The following TMEM163 variants were observed in gnomAD, a reference collection of about 807,000 sequenced individuals.
TMEM163 encodes transmembrane protein 163.
In TMEM163, 17 loss-of-function variants were observed where a neutral mutation model predicts 29.3. The ratio of observed to expected loss-of-function variants is 0.58; its 90% CI spans 0.40 to 0.87. TMEM163 has a LOEUF of 0.87. Ranked by LOEUF, TMEM163 falls within the 40% of genes least tolerant of loss-of-function variation. The pLI is 0.00. For missense variants in TMEM163, 303 were observed against 381.5 expected (o/e 0.79, Z 1.71); for synonymous variants, 157 against 160.6 (o/e 0.98, Z 0.17).
chr2:134,713,347 T>C (rs1684969850), intron 1 of TMEM163, 28 bp from the exon 2 acceptor site: 19 of 1,612,164 alleles, frequency 1.2e-5, no homozygotes, highest in Non-Finnish European at 1.5e-5. Context: ...AAAGGGAAGT[T>C]AGACATTTCC....
At chr2:134,666,659 A>G (rs1028043998) in intron 2 of TMEM163, among the ~76,000 whole-genome samples, 1 of 152,194 alleles carries the variant, frequency 6.6e-6, no homozygotes, top group East Asian at 1.9e-4. Flanking sequence ...CTTTCACTTA[A>G]GACTAAGAGC....
At chr2:134,648,399 G>A (rs932192590) in intron 2 of TMEM163, among the ~76,000 whole-genome samples, 12 of 150,914 alleles carry the variant, frequency 8.0e-5, no homozygotes, top group African/African-American at 2.9e-4. Flanking sequence ...CTGTGGGGCA[G>A]GCCATGGGTG....
intron 2 of TMEM163, among the ~76,000 whole-genome samples, chr2:134,662,564 A>T (rs1683779134): frequency 6.6e-6 from 1 of 152,194 alleles, no homozygotes; most frequent in Non-Finnish European, 1.5e-5. Context: ...TGTAAATATG[A>T]CTGAAAGGTT....
chr2:134,711,182 T>G (rs1381494961), intron 2 of TMEM163, among the ~76,000 whole-genome samples: 1 of 152,206 alleles, frequency 6.6e-6, no homozygotes, highest in Non-Finnish European at 1.5e-5. Context: ...TGGCGCCATA[T>G]AAATGATGCT....
rs532197029 is a variant in TMEM163, at chr2:134,550,187, A to C, written c.458+383T>G. On this transcript the variant is annotated intron_variant, in intron 4 of 7. Transcript: ENST00000281924. ...GCAGAAGGCAAATAGAATAATTTAG[A>C]ATGCCCTTAAGATGTCTTCTGTAAA... Among the ~76,000 whole-genome samples the C allele has an allele frequency of 3.1e-4, 47 of 152,320 alleles. 1 individual carries two copies. The South Asian group carries it at 8.9e-3, about 29-fold the overall frequency.
chr2:134,707,250 C>T (rs1440227609), intron 2 of TMEM163, among the ~76,000 whole-genome samples: 5 of 152,144 alleles, frequency 3.3e-5, no homozygotes, highest in South Asian at 2.1e-4. Context: ...CGAAGAGGCC[C>T]GGGGCTGTGA....
intron 2 of TMEM163, among the ~76,000 whole-genome samples, chr2:134,662,532 T>C (rs1683777902): frequency 6.6e-6 from 1 of 151,898 alleles, no homozygotes; most frequent in Non-Finnish European, 1.5e-5. Context: ...AAAATATGTA[T>C]ACAGGAAAAA....
At chr2:134,662,129 G>T (rs1683768808) in intron 2 of TMEM163, among the ~76,000 whole-genome samples, 1 of 151,782 alleles carries the variant, frequency 6.6e-6, no homozygotes, top group Non-Finnish European at 1.5e-5. Flanking sequence ...TAGAGTCGGG[G>T]TTTCACCGTG....
At chr2:134,499,145 T>A (rs937429539) in intron 5 of TMEM163, among the ~76,000 whole-genome samples, 1 of 152,118 alleles carries the variant, frequency 6.6e-6, no homozygotes, top group Non-Finnish European at 1.5e-5. Context: ...TAAGACATCA[T>A]AAAGATATAC....
chr2:134,539,736 T>C (rs1404262175), intron 4 of TMEM163, among the ~76,000 whole-genome samples: 1 of 152,150 alleles, frequency 6.6e-6, no homozygotes, highest in African/African-American at 2.4e-5. Flanking sequence ...GCAAACACAC[T>C]GGACAAAATC....
chr2:134,657,565 G>A (rs190166867), intron 2 of TMEM163, among the ~76,000 whole-genome samples: 64 of 152,352 alleles, frequency 4.2e-4, no homozygotes, highest in African/African-American at 1.5e-3. Context: ...CACTTTGGGA[G>A]GCAGAGGCAG....
intron 2 of TMEM163, among the ~76,000 whole-genome samples, chr2:134,612,923 T>A (rs1368544986): frequency 6.6e-6 from 1 of 152,198 alleles, no homozygotes; most frequent in Non-Finnish European, 1.5e-5. Context: ...ATAAAAACTG[T>A]CTCAGAGGAA....
At chr2:134,579,217 T>C (rs539006178) in intron 2 of TMEM163, among the ~76,000 whole-genome samples, 1 of 152,210 alleles carries the variant, frequency 6.6e-6, no homozygotes, top group Non-Finnish European at 1.5e-5. Flanking sequence ...CCATTAGAAC[T>C]TTTGATGCAA....
At chr2:134,708,949 C>T (rs115978426) in intron 2 of TMEM163, among the ~76,000 whole-genome samples, 152 of 152,252 alleles carry the variant, frequency 1.0e-3, no homozygotes, top group Middle Eastern at 3.4e-3. Flanking sequence ...ACTTTTTTAA[C>T]GGAGCTGTGT....
In TMEM163 at chr2:134,460,375, A is replaced by C. The variant is rs1574147602; in HGVS notation, c.668-2202T>G. ...TCAGCCCCTAAACTTCCTCCCCTCC[A>C]CCCACCACTCCCTCCTGCCTCCAGC... On this transcript the variant is annotated intron_variant, in intron 6 of 7. Coordinates refer to ENST00000281924, the MANE Select transcript of TMEM163 (RefSeq NM_030923.5). The surrounding 1 kb of genome is among the most constrained non-coding windows in gnomAD (Gnocchi z 4.3). Among the ~76,000 whole-genome samples, 2 of 145,902 alleles carry C rather than the reference A, an allele frequency of 1.4e-5. No homozygotes were observed. The highest frequency in any genetic ancestry group is 2.6e-5 in the African/African-American group (1 of 38,852).
At chr2:134,491,142 C>CA (rs2106482460) in intron 5 of TMEM163, among the ~76,000 whole-genome samples, 1 of 87,802 alleles carries the variant, frequency 1.1e-5, no homozygotes, top group South Asian at 7.0e-4. Flanking sequence ...CTCAGTGTCC[C>CA]AAGTCAAGTA....
intron 2 of TMEM163, among the ~76,000 whole-genome samples, chr2:134,672,835 A>G (rs1407913638): frequency 6.6e-6 from 1 of 151,914 alleles, no homozygotes; most frequent in Non-Finnish European, 1.5e-5. Flanking sequence ...AGTTCCATCA[A>G]TTCTACCTCC....
chr2:134,691,795 G>A (rs1222341559), intron 2 of TMEM163, among the ~76,000 whole-genome samples: 1 of 152,192 alleles, frequency 6.6e-6, no homozygotes, highest in Non-Finnish European at 1.5e-5. Context: ...CCTTGACCCT[G>A]GCTGGCATGT....
intron 2 of TMEM163, among the ~76,000 whole-genome samples, chr2:134,642,878 C>T (rs1036239583): frequency 3.3e-5 from 5 of 151,846 alleles, no homozygotes; most frequent in South Asian, 4.1e-4. Context: ...CTTCAAAGGA[C>T]GTTAGATCAT....
Sources: gnomAD v4.1 joint callset for allele counts (sites outside exome capture counted in the v4.1 genomes callset) on GRCh38, gnomAD v4.1.1 for gene constraint, Gnocchi (gnomAD v3.1) non-coding constraint, MANE v1.5 for transcripts, NCBI Gene and HGNC (gene_info 2026-07-23, HGNC 2026-07-21) for gene names.